L3MBTL4: variants seen among roughly 807,000 people sequenced by gnomAD.
L3MBTL4 encodes the protein lethal(3)malignant brain tumor-like protein 4.
Under a neutral mutation model 84.5 loss-of-function variants are expected in L3MBTL4, and 70 were observed. The observed-to-expected ratio is 0.83, with a 90% CI of 0.68 to 1.01. The LOEUF (loss-of-function observed/expected upper bound fraction) is 1.01. Ranked by LOEUF, L3MBTL4 falls within the 50% of genes least tolerant of loss-of-function variation. The pLI is 0.00. For missense variants in L3MBTL4, 715 were observed against 754.8 expected, an observed-to-expected ratio of 0.95 and a Z score of 0.62; for synonymous variants, 274 against 259.8, an observed-to-expected ratio of 1.05 and a Z score of -0.52.
chr18:6,270,625 T>A (rs2048825830), intron 4 of L3MBTL4, among the ~76,000 whole-genome samples: 1 of 152,110 alleles, frequency 6.6e-6, no homozygotes, highest in South Asian at 2.1e-4. Flanking sequence ...GAAGAGAAAT[T>A]TGGCAAGCAA....
At chr18:6,167,218 A>G (rs2043715415) in intron 13 of L3MBTL4, among the ~76,000 whole-genome samples, 1 of 152,184 alleles carries the variant, frequency 6.6e-6, no homozygotes, top group South Asian at 2.1e-4. Flanking sequence ...CCAGGACAAG[A>G]TGGATTCACA....
intron 16 of L3MBTL4, among the ~76,000 whole-genome samples, chr18:6,071,753 G>GAAAGAAAA (rs796953947): frequency 3.2e-5 from 2 of 61,778 alleles, no homozygotes; most frequent in Non-Finnish European, 7.6e-5. Flanking sequence ...AGGAAAGAAA[G>GAAAGAAAA]AAAGAAAAAA....
At chr18:6,212,337 T>C (rs2046143878) in intron 12 of L3MBTL4, among the ~76,000 whole-genome samples, 1 of 152,230 alleles carries the variant, frequency 6.6e-6, no homozygotes, top group South Asian at 2.1e-4. Context: ...GCAAATAAGA[T>C]TTCTTTTAAA....
intron 4 of L3MBTL4, among the ~76,000 whole-genome samples, chr18:6,300,629 T>A (rs995516961): frequency 1.1e-4 from 16 of 151,930 alleles, no homozygotes; most frequent in Non-Finnish European, 2.1e-4. Flanking sequence ...AAGGACTGAA[T>A]ATTTTTACAT....
chr18:6,288,277 G>A (rs1050494858), intron 4 of L3MBTL4, among the ~76,000 whole-genome samples: 2 of 152,032 alleles, frequency 1.3e-5, no homozygotes, highest in Admixed American at 1.3e-4. Context: ...AATAAAATCT[G>A]GCATAGTCAT....
chr18:6,263,700 C>A (rs1280872875), intron 5 of L3MBTL4, among the ~76,000 whole-genome samples: 1 of 152,206 alleles, frequency 6.6e-6, no homozygotes, highest in African/African-American at 2.4e-5. Context: ...GGGAACCTTT[C>A]CTACCTCATG....
chr18:6,243,535 G>C (rs2047537766), intron 6 of L3MBTL4, 106 bp from the exon 7 acceptor site: 17 of 842,620 alleles, frequency 2.0e-5, no homozygotes, highest in Non-Finnish European at 2.9e-5. Context: ...CAACATATAA[G>C]AGCCAACCCT....
At chr18:6,269,239 A>T (rs1231332565) in intron 4 of L3MBTL4, among the ~76,000 whole-genome samples, 1 of 152,144 alleles carries the variant, frequency 6.6e-6, no homozygotes, top group Non-Finnish European at 1.5e-5. Flanking sequence ...AGGCGGGCGG[A>T]TCACGAGGTC....
At chr18:6,039,380 C>T (rs997015043) in intron 16 of L3MBTL4, among the ~76,000 whole-genome samples, 4 of 152,080 alleles carry the variant, frequency 2.6e-5, no homozygotes, top group African/African-American at 9.7e-5. Flanking sequence ...ATGCTAGAGT[C>T]GGCTCTTTAT....
At chr18:6,225,991 C>G (rs2046767537) in intron 10 of L3MBTL4, among the ~76,000 whole-genome samples, 1 of 152,120 alleles carries the variant, frequency 6.6e-6, no homozygotes, top group African/African-American at 2.4e-5. Context: ...AAAGAAAGTT[C>G]TTCAGAGAGA....
At chr18:6,372,854 T>C (rs1042752664) in intron 1 of L3MBTL4, among the ~76,000 whole-genome samples, 2 of 152,216 alleles carry the variant, frequency 1.3e-5, no homozygotes, top group Non-Finnish European at 2.9e-5. Context: ...TAAAACATGT[T>C]TTCCTGCAGG....
At chr18:6,171,467 T>A (rs1198828236) in intron 13 of L3MBTL4, among the ~76,000 whole-genome samples, 1 of 152,196 alleles carries the variant, frequency 6.6e-6, no homozygotes, top group Non-Finnish European at 1.5e-5. Context: ...CTTTGTGTAG[T>A]CTATTCTATA....
intron 12 of L3MBTL4, among the ~76,000 whole-genome samples, chr18:6,196,457 T>C (rs2045403085): frequency 6.6e-6 from 1 of 152,130 alleles, no homozygotes; most frequent in African/African-American, 2.4e-5. Flanking sequence ...GTGCCCGGCC[T>C]AGAGTTCCTC....
At chr18:6,262,968 G>GTA (rs1454848990) in intron 5 of L3MBTL4, among the ~76,000 whole-genome samples, 1 of 152,200 alleles carries the variant, frequency 6.6e-6, no homozygotes, top group African/African-American at 2.4e-5. Flanking sequence ...ATAAAAAGTT[G>GTA]TAGTTTCCTG....
At chr18:6,075,232 G>T (rs367828914) in intron 16 of L3MBTL4, among the ~76,000 whole-genome samples, 2 of 152,052 alleles carry the variant, frequency 1.3e-5, no homozygotes, top group South Asian at 2.1e-4. Context: ...CAATCTCAAA[G>T]AAAAAGAACA....
At chr18:6,360,750 G>A (rs866925968) in intron 1 of L3MBTL4, among the ~76,000 whole-genome samples, 17 of 152,146 alleles carry the variant, frequency 1.1e-4, no homozygotes, top group African/African-American at 3.4e-4. Flanking sequence ...AACACTTTGA[G>A]AGGACAAGGC....
At chr18:6,208,189 T>C (rs1227152753) in intron 12 of L3MBTL4, among the ~76,000 whole-genome samples, 1 of 152,074 alleles carries the variant, frequency 6.6e-6, no homozygotes, top group Non-Finnish European at 1.5e-5. Flanking sequence ...AGAGGTCAGG[T>C]GGCTTTCTGG....
chr18:6,324,843 A>G (rs930934326), intron 1 of L3MBTL4, among the ~76,000 whole-genome samples: 5 of 151,764 alleles, frequency 3.3e-5, no homozygotes, highest in South Asian at 2.1e-4. Flanking sequence ...AGCAGACAGA[A>G]CAATCTACAC....
intron 10 of L3MBTL4, among the ~76,000 whole-genome samples, chr18:6,218,987 C>T (rs2046437208): frequency 6.6e-6 from 1 of 152,166 alleles, no homozygotes; most frequent in South Asian, 2.1e-4. Context: ...CAGCCTTTAA[C>T]CTCTTCACCC....
Sources: allele counts gnomAD v4.1 joint callset (sites outside exome capture counted in the v4.1 genomes callset), GRCh38; gene constraint gnomAD v4.1.1; transcripts MANE v1.5; gene names NCBI Gene and HGNC (gene_info 2026-07-23, HGNC 2026-07-21).